CHRM3: variants seen among roughly 807,000 people sequenced by gnomAD.
CHRM3 encodes muscarinic acetylcholine receptor M3.
Under a neutral mutation model 41.8 loss-of-function variants are expected in CHRM3, and 11 were observed. That is an observed-to-expected ratio of 0.26 (90% CI 0.17 to 0.44). The LOEUF is 0.44. Ranked by LOEUF, CHRM3 falls within the 20% of genes least tolerant of loss-of-function variation. The pLI is 1.00. For missense variants in CHRM3, 571 were observed against 745.4 expected, an observed-to-expected ratio of 0.77 and a Z score of 2.72; for synonymous variants, 297 against 301.4, an observed-to-expected ratio of 0.99 and a Z score of 0.15.
At chr1:239,807,469 C>T (rs1670745167) in intron 5 of CHRM3, among the ~76,000 whole-genome samples, 1 of 152,122 alleles carries the variant, frequency 6.6e-6, no homozygotes, top group Non-Finnish European at 1.5e-5. Context: ...AATAGGAATG[C>T]TACAGGGGGA....
At chr1:239,904,551 A>G (rs1361727074) in intron 6 of CHRM3, among the ~76,000 whole-genome samples, 1 of 152,226 alleles carries the variant, frequency 6.6e-6, no homozygotes, top group South Asian at 2.1e-4. Context: ...GATCTTCTGT[A>G]CATGCATCTT....
chr1:239,391,979 G>C (rs1659073883), intron 1 of CHRM3, among the ~76,000 whole-genome samples: 1 of 152,006 alleles, frequency 6.6e-6, no homozygotes, highest in African/African-American at 2.4e-5. Flanking sequence ...CCTCACCTCA[G>C]TTTCTCTAAC....
At chr1:239,870,960 C>T (rs895143929) in intron 6 of CHRM3, among the ~76,000 whole-genome samples, 1 of 152,184 alleles carries the variant, frequency 6.6e-6, no homozygotes, top group African/African-American at 2.4e-5. Flanking sequence ...TTGTGCTTTA[C>T]TTCTCCTGGC....
intron 2 of CHRM3, among the ~76,000 whole-genome samples, chr1:239,528,509 T>C (rs1670155092): frequency 6.6e-6 from 1 of 152,214 alleles, no homozygotes; most frequent in African/African-American, 2.4e-5. Context: ...AAAGCATGAC[T>C]GAACAGCGTA....
chr1:239,679,184 A>G (rs890186765), intron 5 of CHRM3, among the ~76,000 whole-genome samples: 1 of 152,192 alleles, frequency 6.6e-6, no homozygotes. Flanking sequence ...GCAACTTTTT[A>G]AAATATTATT....
chr1:239,685,230 G>T lies in CHRM3; in HGVS notation c.-147+6942G>T, dbSNP rs532337195. On this transcript the variant is annotated intron_variant, in intron 5 of 6. Coordinates refer to ENST00000676153, the MANE Select transcript of CHRM3 (RefSeq NM_001375978.1). ...GGGTGGCTCTATAATTTGAGGAAAG[G>T]TATTTAAATTCTCTGAGCTTCAGTT... Among the ~76,000 whole-genome samples, 4 of 152,234 alleles carry T rather than the reference G, an allele frequency of 2.6e-5. No individual in the cohort carries two copies. In the South Asian group the frequency reaches 8.3e-4, roughly 32 times the overall value.
intron 5 of CHRM3, among the ~76,000 whole-genome samples, chr1:239,686,983 G>T (rs1659204952): frequency 6.6e-6 from 1 of 151,922 alleles, no homozygotes; most frequent in South Asian, 2.1e-4. Flanking sequence ...TAACATAAGT[G>T]CTTTAAAATA....
chr1:239,682,799 G>A (rs1658697081), intron 5 of CHRM3, among the ~76,000 whole-genome samples: 1 of 152,018 alleles, frequency 6.6e-6, no homozygotes, highest in Non-Finnish European at 1.5e-5. Flanking sequence ...TCTACTTACT[G>A]TTTAGCAAAA....
At chr1:239,413,097 A>AG (rs1230744686) in intron 1 of CHRM3, among the ~76,000 whole-genome samples, 2 of 160 alleles carry the variant, frequency 0.013, no homozygotes, top group Admixed American at 0.5. Context: ...AACAAAAATG[A>AG]AAAAAAAAAG....
chr1:239,514,953 C>G (rs1434167149), intron 2 of CHRM3, among the ~76,000 whole-genome samples: 2 of 152,060 alleles, frequency 1.3e-5, no homozygotes, highest in Non-Finnish European at 2.9e-5. Context: ...TCTCTATACC[C>G]AAATGTCACT....
At chr1:239,664,237 G>T (rs939182971) in intron 4 of CHRM3, among the ~76,000 whole-genome samples, 13 of 152,168 alleles carry the variant, frequency 8.5e-5, no homozygotes, top group Admixed American at 2.6e-4. Context: ...AAGTCATCCT[G>T]TTAAATCCAG....
At chr1:239,766,400 G>A (rs1667210142) in intron 5 of CHRM3, among the ~76,000 whole-genome samples, 3 of 151,854 alleles carry the variant, frequency 2.0e-5, no homozygotes, top group Non-Finnish European at 4.4e-5. Flanking sequence ...ACAAGGAGAG[G>A]ATCAAGAAAA....
At chr1:239,390,212 CATA>C (rs1658907174) in intron 1 of CHRM3, among the ~76,000 whole-genome samples, 1 of 152,126 alleles carries the variant, frequency 6.6e-6, no homozygotes, top group Non-Finnish European at 1.5e-5. Flanking sequence ...AGTTAATCAG[CATA>C]ATAAAATGTG....
chr1:239,455,793 T>G (rs1004041416), intron 1 of CHRM3, among the ~76,000 whole-genome samples: 10 of 152,046 alleles, frequency 6.6e-5, no homozygotes, highest in Admixed American at 2.6e-4. Flanking sequence ...AAGAAAAAAA[T>G]TTTAAATAAA....
At chr1:239,437,041 G>A (rs1450249180) in intron 1 of CHRM3, among the ~76,000 whole-genome samples, 1 of 151,928 alleles carries the variant, frequency 6.6e-6, no homozygotes, top group Non-Finnish European at 1.5e-5. Context: ...AAAAAATGAC[G>A]CTACACTGTT....
intron 1 of CHRM3, among the ~76,000 whole-genome samples, chr1:239,484,255 C>T (rs924734706): frequency 3.3e-5 from 5 of 152,010 alleles, no homozygotes; most frequent in Non-Finnish European, 7.4e-5. Flanking sequence ...GAAGGTGAAG[C>T]GAGAGCAGGC....
At chr1:239,633,173 G>A (rs1039742007) in intron 4 of CHRM3, among the ~76,000 whole-genome samples, 5 of 152,112 alleles carry the variant, frequency 3.3e-5, no homozygotes, top group South Asian at 2.1e-4. Flanking sequence ...GGGTTTCACC[G>A]TGTTAGCCAG....
chr1:239,593,804 T>C (rs1252146403), intron 3 of CHRM3, among the ~76,000 whole-genome samples: 3 of 152,190 alleles, frequency 2.0e-5, no homozygotes, highest in Non-Finnish European at 4.4e-5. Flanking sequence ...TTAGCACCTA[T>C]AACCCTTACT....
At chr1:239,404,402 AAG>A (rs1447949999) in intron 1 of CHRM3, among the ~76,000 whole-genome samples, 667 of 64,132 alleles carry the variant, frequency 0.01, 2 homozygotes, top group Non-Finnish European at 0.012. Flanking sequence ...GAAAGAAAGA[AAG>A]AAAGAAAAAG....
Sources: gnomAD v4.1 joint callset for allele counts (sites outside exome capture counted in the v4.1 genomes callset) on GRCh38, gnomAD v4.1.1 for gene constraint, MANE v1.5 for transcripts, NCBI Gene and HGNC (gene_info 2026-07-23, HGNC 2026-07-21) for gene names.